EEFSEC: variants seen among roughly 807,000 people sequenced by gnomAD.
The protein encoded by EEFSEC is eukaryotic elongation factor, selenocysteine-tRNA specific, also known as selenocysteine-specific elongation factor.
In EEFSEC, 43 loss-of-function variants were observed where a neutral mutation model predicts 42.1. That is an observed-to-expected ratio of 1.02 (90% CI 0.80 to 1.32). EEFSEC has a LOEUF of 1.32. Among genes scored for constraint, EEFSEC ranks in the 40% most tolerant of loss-of-function variants. The probability of loss-of-function intolerance (pLI) is 0.00; values close to 1 mark genes in which losing one functional copy is unlikely to be tolerated. For synonymous variants in EEFSEC, 354 were observed against 339.1 expected (o/e 1.04, Z -0.48); for missense variants, 745 against 803.6 (o/e 0.93, Z 0.88).
At chr3:128,417,554 C>G in the EEFSEC span, among the ~76,000 whole-genome samples, 1 of 152,130 alleles carries the variant, frequency 6.6e-6, no homozygotes, top group Non-Finnish European at 1.5e-5. The surrounding 1 kb of genome is among the most constrained non-coding windows in gnomAD (Gnocchi z 4.3). Context: ...GCCTGTCGAC[C>G]TCATTTACTG....
At chr3:128,424,004 G>A in the EEFSEC span, among the ~76,000 whole-genome samples, 1 of 152,108 alleles carries the variant, frequency 6.6e-6, no homozygotes, top group Non-Finnish European at 1.5e-5. Context: ...GTGACCTGGA[G>A]CTGCGGGAGA....
intron 1 of EEFSEC, 83 bp downstream of exon 1, chr3:128,153,906 T>C: frequency 7.1e-7 from 1 of 1,417,968 alleles, no homozygotes; most frequent in South Asian, 1.5e-5. Context: ...CTCGAGCCTT[T>C]GCCGGGACGG....
intron 4 of EEFSEC, among the ~76,000 whole-genome samples, chr3:128,339,614 T>G (rs1235413586): frequency 1.3e-5 from 2 of 152,210 alleles, no homozygotes; most frequent in Non-Finnish European, 2.9e-5. Context: ...GTCAGTGATA[T>G]TTTAGAAACA....
At chr3:128,280,920 G>A (rs781282834) in intron 4 of EEFSEC, among the ~76,000 whole-genome samples, 6 of 152,132 alleles carry the variant, frequency 3.9e-5, no homozygotes, top group East Asian at 3.9e-4. Flanking sequence ...GGCTGAGGCC[G>A]CATTGTTTGG....
intron 4 of EEFSEC, among the ~76,000 whole-genome samples, chr3:128,275,482 G>C (rs746817016): frequency 6.6e-6 from 1 of 152,200 alleles, no homozygotes; most frequent in African/African-American, 2.4e-5. Context: ...GTGTCATGTC[G>C]GGGACTGGAG....
chr3:128,424,539 A>G, the EEFSEC span, among the ~76,000 whole-genome samples: 1 of 151,422 alleles, frequency 6.6e-6, no homozygotes, highest in Admixed American at 6.6e-5. Context: ...ATGCACCATC[A>G]TACTGCCTAT....
chr3:128,364,830 C>A (rs1448009251), intron 6 of EEFSEC, among the ~76,000 whole-genome samples: 1 of 152,264 alleles, frequency 6.6e-6, no homozygotes, highest in African/African-American at 2.4e-5. Flanking sequence ...CCCTCCACAG[C>A]CTGCATGGCA....
chr3:128,211,440 T>A (rs1342142388), intron 1 of EEFSEC, among the ~76,000 whole-genome samples: 1 of 151,916 alleles, frequency 6.6e-6, no homozygotes, highest in Non-Finnish European at 1.5e-5. Context: ...GTTATGAATA[T>A]GAGGTATCTA....
intron 6 of EEFSEC, among the ~76,000 whole-genome samples, chr3:128,376,410 C>T (rs1420550232): frequency 1.3e-5 from 2 of 152,190 alleles, no homozygotes; most frequent in Non-Finnish European, 2.9e-5. Context: ...CCCAGGGCCC[C>T]GCAGCATTCT....
At chr3:128,279,462 G>A (rs564900082) in intron 4 of EEFSEC, among the ~76,000 whole-genome samples, 25 of 152,186 alleles carry the variant, frequency 1.6e-4, no homozygotes, top group Middle Eastern at 3.4e-3. Flanking sequence ...TATCCCTGGC[G>A]GAGAACCAGT....
At chr3:128,407,517 C>T (rs1260675799) in intron 6 of EEFSEC, among the ~76,000 whole-genome samples, 1 of 152,070 alleles carries the variant, frequency 6.6e-6, no homozygotes, top group Non-Finnish European at 1.5e-5. Context: ...ATGCAGCCTG[C>T]ATATCCCACT....
chr3:128,241,949 G>A (rs2066075787), intron 1 of EEFSEC, among the ~76,000 whole-genome samples: 1 of 152,170 alleles, frequency 6.6e-6, no homozygotes, highest in Admixed American at 6.5e-5. Context: ...GATATTAATT[G>A]CCACTGCAGT....
chr3:128,361,986 G>C (rs2067531436), intron 6 of EEFSEC, among the ~76,000 whole-genome samples: 1 of 152,162 alleles, frequency 6.6e-6, no homozygotes, highest in Non-Finnish European at 1.5e-5. Context: ...GGGTAGCAGA[G>C]AGCCTGAGGG....
chr3:128,419,225 G>A, the EEFSEC span, among the ~76,000 whole-genome samples: 10 of 152,264 alleles, frequency 6.6e-5, no homozygotes, highest in South Asian at 4.1e-4. Flanking sequence ...AGTGGGGCAC[G>A]GCTGCTGGTG....
chr3:128,266,729 C>T (rs1282644104), intron 4 of EEFSEC, among the ~76,000 whole-genome samples: 1 of 151,744 alleles, frequency 6.6e-6, no homozygotes, highest in Non-Finnish European at 1.5e-5. Flanking sequence ...CCCTCCTTTA[C>T]CTGCTGTCAT....
chr3:128,416,463 A>G, the EEFSEC span, among the ~76,000 whole-genome samples: 32 of 152,014 alleles, frequency 2.1e-4, no homozygotes, highest in Non-Finnish European at 4.3e-4. Flanking sequence ...CTGCTCGGCC[A>G]TGCCCCTGCC....
chr3:128,194,000 C>CT (rs1191128459), intron 1 of EEFSEC, among the ~76,000 whole-genome samples: 1 of 82,780 alleles, frequency 1.2e-5, no homozygotes, highest in African/African-American at 1.4e-4. Context: ...GACCATCTTC[C>CT]CCCATCCCCC....
intron 6 of EEFSEC, among the ~76,000 whole-genome samples, chr3:128,400,164 C>T (rs1291916650): frequency 6.6e-6 from 1 of 152,252 alleles, no homozygotes; most frequent in Non-Finnish European, 1.5e-5. Flanking sequence ...ACTTAGAGGT[C>T]TCACTGGAGC....
At chr3:128,196,819 G>A (rs56302076) in intron 1 of EEFSEC, among the ~76,000 whole-genome samples, 1 of 152,272 alleles carries the variant, frequency 6.6e-6, no homozygotes, top group African/African-American at 2.4e-5. Context: ...ACAGTACCTT[G>A]GGTTACTGAG....
Sources: gnomAD v4.1 joint callset for allele counts (sites outside exome capture counted in the v4.1 genomes callset) on GRCh38, gnomAD v4.1.1 for gene constraint, Gnocchi (gnomAD v3.1) non-coding constraint, MANE v1.5 for transcripts, NCBI Gene and HGNC (gene_info 2026-07-23, HGNC 2026-07-21) for gene names.